Variants in NME7 observed in about 807,000 individuals in gnomAD.
The protein encoded by NME7 is NME/NM23 family member 7.
Under a neutral mutation model 49.1 loss-of-function variants are expected in NME7, and 41 were observed. That is an observed-to-expected ratio of 0.83 (90% CI 0.65 to 1.08). The LOEUF is 1.08. Among genes scored for constraint, NME7 ranks in the 50% least tolerant of loss-of-function variants. The pLI, the probability that NME7 is intolerant of heterozygous loss-of-function variation, is 0.00. For missense variants in NME7, 423 were observed against 463.4 expected, an observed-to-expected ratio of 0.91 and a Z score of 0.80; for synonymous variants, 139 against 150.6, an observed-to-expected ratio of 0.92 and a Z score of 0.56.
chr1:169,333,773 T>C (rs929832014), intron 1 of NME7, among the ~76,000 whole-genome samples: 2 of 152,156 alleles, frequency 1.3e-5, no homozygotes, highest in Non-Finnish European at 2.9e-5. Flanking sequence ...GAAACTCCCT[T>C]CTGAGAGACA....
chr1:169,295,245 G>A (rs922460081), intron 6 of NME7, among the ~76,000 whole-genome samples: 16 of 152,124 alleles, frequency 1.1e-4, no homozygotes, highest in Admixed American at 3.3e-4. Flanking sequence ...AAAATGGACT[G>A]AGACAGTAGC....
intron 10 of NME7, among the ~76,000 whole-genome samples, chr1:169,196,714 G>A (rs1296933662): frequency 6.6e-6 from 1 of 152,124 alleles, no homozygotes; most frequent in Non-Finnish European, 1.5e-5. Flanking sequence ...ATACTGCAGA[G>A]GCTGGTGAGT....
At chr1:169,136,109 T>C (rs1482101416) in intron 11 of NME7, among the ~76,000 whole-genome samples, 1 of 48,048 alleles carries the variant, frequency 2.1e-5, no homozygotes, top group Non-Finnish European at 5.0e-5. Flanking sequence ...CAGCCACATA[T>C]ATCGGGCACA....
intron 3 of NME7, among the ~76,000 whole-genome samples, chr1:169,322,842 T>C (rs1651904547): frequency 6.6e-6 from 1 of 152,132 alleles, no homozygotes; most frequent in South Asian, 2.1e-4. Flanking sequence ...TTGTGATTCA[T>C]TAATTCGTTC....
intron 5 of NME7, among the ~76,000 whole-genome samples, chr1:169,300,628 T>G (rs547902164): frequency 6.6e-6 from 1 of 152,148 alleles, no homozygotes; most frequent in African/African-American, 2.4e-5. Flanking sequence ...CTAGTTAAAA[T>G]AGAAAGGTTC....
intron 11 of NME7, among the ~76,000 whole-genome samples, chr1:169,153,664 T>G (rs991747666): frequency 1.2e-5 from 1 of 83,476 alleles, no homozygotes; most frequent in African/African-American, 4.9e-5. Context: ...CAATTTAATT[T>G]TACATTTTTT....
In NME7 at chr1:169,355,030, T is replaced by TG. The variant is rs1388074861; in HGVS notation, c.3+12677_3+12678insC. Among the ~76,000 whole-genome samples the TG allele has an allele frequency of 2.2e-3, 170 of 75,764 alleles. 42 individuals carry two copies. In the East Asian group the frequency reaches 0.035, roughly 15 times the overall value. 49.7% of individuals were successfully genotyped at this position (75,764 alleles called of 152,430 possible). On this transcript the variant is annotated intron_variant, in intron 1 of 11. Transcript: ENST00000367811. ...TGTTTATATATAATATAATTATATATTATATATTATAGATATAATATATAA... is the reference window on the plus strand; with the variant it reads ...TGTTTATATATAATATAATTATATATGTATATATTATAGATATAATATATAA...
intron 11 of NME7, among the ~76,000 whole-genome samples, chr1:169,144,445 G>C (rs113853616): frequency 5.9e-5 from 9 of 152,078 alleles, no homozygotes; most frequent in African/African-American, 2.2e-4. Flanking sequence ...CCAATACTTG[G>C]AGCAGATTTC....
chr1:169,179,084 G>T (rs1211276837), intron 10 of NME7, among the ~76,000 whole-genome samples: 1 of 152,036 alleles, frequency 6.6e-6, no homozygotes, highest in South Asian at 2.1e-4. Context: ...GCCTCCCAAG[G>T]TGCTGGGATT....
intron 11 of NME7, among the ~76,000 whole-genome samples, chr1:169,143,272 GC>G (rs1658655058): frequency 1.3e-5 from 1 of 77,358 alleles, no homozygotes; most frequent in Non-Finnish European, 3.3e-5. Context: ...GTCACCTCAG[GC>G]TTTTTTTTTT....
chr1:169,322,628 C>T (rs1651894850), intron 3 of NME7: 1 of 150,700 alleles, frequency 6.6e-6, no homozygotes, highest in African/African-American at 2.4e-5. Flanking sequence ...TTACAACACT[C>T]ACATTGTCAT....
At chr1:169,316,008 T>C (rs1350831128) in intron 3 of NME7, among the ~76,000 whole-genome samples, 1 of 151,854 alleles carries the variant, frequency 6.6e-6, no homozygotes, top group Non-Finnish European at 1.5e-5. Flanking sequence ...ATAGTATCAT[T>C]AAAGAAAGAG....
intron 6 of NME7, 54 bp from the exon 7 acceptor site, chr1:169,287,462 C>T: frequency 4.1e-6 from 5 of 1,233,382 alleles, no homozygotes; most frequent in Non-Finnish European, 5.6e-6. Flanking sequence ...CTTGAACTTA[C>T]AAGATATTTC....
At chr1:169,140,166 T>G (rs1480287726) in intron 11 of NME7, among the ~76,000 whole-genome samples, 1 of 152,156 alleles carries the variant, frequency 6.6e-6, no homozygotes, top group East Asian at 1.9e-4. Flanking sequence ...AAAGGATGAT[T>G]AACATGGTAA....
chr1:169,289,908 G>A lies in NME7; in HGVS notation c.649-2500C>T, dbSNP rs1017926804. On this transcript the variant is annotated intron_variant, in intron 6 of 11. Transcript: ENST00000367811. ...CAAAAATAATATCCAGGCTTCTTTGGGATTTGAGGGGCTAAAATATTTTGT... is the reference window on the plus strand; with the variant it reads ...CAAAAATAATATCCAGGCTTCTTTGAGATTTGAGGGGCTAAAATATTTTGT... 6.8e-4 allele frequency among the ~76,000 whole-genome samples: 103 copies of A among 151,972 alleles called. 1 individual carries two copies. Among genetic ancestry groups the A allele is most frequent in the African/African-American group, 2.3e-3 (95 of 41,464 alleles).
intron 8 of NME7, 30 bp downstream of exon 8, chr1:169,237,593 A>C (rs1459734313): frequency 1.9e-6 from 3 of 1,545,990 alleles, no homozygotes; most frequent in Non-Finnish European, 2.7e-6. Context: ...AAATCCTCAC[A>C]AATATTATGG....
At chr1:169,182,923 C>A (rs576493780) in intron 10 of NME7, among the ~76,000 whole-genome samples, 4 of 152,228 alleles carry the variant, frequency 2.6e-5, no homozygotes, top group African/African-American at 9.6e-5. Context: ...TTTTAAGGAA[C>A]CCCGAAGAAC....
chr1:169,140,169 C>T (rs1658548517), intron 11 of NME7, among the ~76,000 whole-genome samples: 1 of 152,056 alleles, frequency 6.6e-6, no homozygotes, highest in Non-Finnish European at 1.5e-5. Flanking sequence ...GGATGATTAA[C>T]ATGGTAAAAT....
intron 10 of NME7, among the ~76,000 whole-genome samples, chr1:169,197,125 T>G (rs1660400857): frequency 1.3e-5 from 2 of 152,086 alleles, no homozygotes. Flanking sequence ...TATAAGTAAA[T>G]AAGAGTACCT....
Sources: allele counts gnomAD v4.1 joint callset (sites outside exome capture counted in the v4.1 genomes callset), GRCh38; gene constraint gnomAD v4.1.1; transcripts MANE v1.5; gene names NCBI Gene and HGNC (gene_info 2026-07-23, HGNC 2026-07-21).